The following KDR variants were observed in gnomAD, a reference collection of about 807,000 sequenced individuals.
The protein encoded by KDR is vascular endothelial growth factor receptor 2.
In KDR, 43 loss-of-function variants were observed where a neutral mutation model predicts 160.9. The ratio of observed to expected loss-of-function variants is 0.27; its 90% CI spans 0.21 to 0.34. The LOEUF (loss-of-function observed/expected upper bound fraction) is 0.34, where lower values mean the gene tolerates loss of function less well. Ranked by LOEUF, KDR falls within the 10% of genes least tolerant of loss-of-function variation. The probability of loss-of-function intolerance (pLI) is 1.00; values close to 1 mark genes in which losing one functional copy is unlikely to be tolerated. For synonymous variants in KDR, 617 were observed against 600.1 expected (o/e 1.03, Z -0.41); for missense variants, 1,469 against 1,666.4 (o/e 0.88, Z 2.06).
chr4:55,088,998 A>C, intron 25 of KDR, 25 bp from the exon 26 acceptor site: 77 of 1,485,248 alleles, frequency 5.2e-5, no homozygotes, highest in Non-Finnish European at 6.8e-5. Flanking sequence ...CACTGATTTC[A>C]TTAAATGCCT....
In KDR at chr4:55,090,766, C is replaced by T. The variant is rs180739369; in HGVS notation, c.3070-688G>A. On this transcript the variant is annotated intron_variant, in intron 22 of 29. Coordinates refer to ENST00000263923, the MANE Select transcript of KDR (RefSeq NM_002253.4). Reference sequence around the variant, plus strand: ...AAACTTCAGCTAACTTCCTACTACTCGGCAGCTTTAGCTCCACATGATATT... The same window carrying T: ...AAACTTCAGCTAACTTCCTACTACTTGGCAGCTTTAGCTCCACATGATATT... Among the ~76,000 whole-genome samples the T allele has an allele frequency of 2.7e-3, 409 of 151,876 alleles. 1 individual carries two copies. Among genetic ancestry groups the T allele is most frequent in the African/African-American group, 9.3e-3 (386 of 41,422 alleles).
chr4:55,086,756 T>G (rs1242048359), intron 27 of KDR, among the ~76,000 whole-genome samples: 2 of 152,192 alleles, frequency 1.3e-5, no homozygotes, highest in Admixed American at 1.3e-4. Flanking sequence ...CCCTGCCATG[T>G]GGCAACCTGG....
Position 55,118,703 on chromosome 4 carries a change from T to C in KDR, c.259A>G (p.Thr87Ala), listed in dbSNP as rs1238505743. Residue 87 changes from threonine to alanine, a missense_variant, in exon 3 of 30, where the codon ACA (threonine) becomes GCA (alanine). This residue lies in a region of KDR where 792 missense variants were observed against 840.9 expected (regional missense o/e 0.94). Transcript: ENST00000263923. Reference protein sequence around the residue: ...TECSDGLFCKTLTIPKVIGND... With the variant: ...TECSDGLFCKALTIPKVIGND... ...CCGATCACTTTTGGAATTGTGAGTG[T>C]CTTACAGAAGAGGCCATCGCTGCAC... 3 of 1,613,904 alleles carry C rather than the reference T, an allele frequency of 1.9e-6. No individual in the cohort carries two copies. The highest frequency in any genetic ancestry group is 2.5e-6 in the Non-Finnish European group (3 of 1,179,944).
At chr4:55,112,109 T>C (rs557905001) in intron 7 of KDR, among the ~76,000 whole-genome samples, 1 of 152,290 alleles carries the variant, frequency 6.6e-6, no homozygotes, top group Admixed American at 6.5e-5. Flanking sequence ...ATTAAGGTGA[T>C]TTTCTCAAGG....
chr4:55,116,478 T>C (rs1279991651), intron 3 of KDR, among the ~76,000 whole-genome samples: 1 of 151,058 alleles, frequency 6.6e-6, no homozygotes, highest in Non-Finnish European at 1.5e-5. Flanking sequence ...AATGTTAACA[T>C]GCTGCTGGAA....
At chr4:55,087,520 ACAAGGTCTTCCTTCCACTTC>A in intron 27 of KDR, 67 bp downstream of exon 27, 2 of 1,230,874 alleles carry the variant, frequency 1.6e-6, no homozygotes, top group South Asian at 2.6e-5. Context: ...ACAGCCTTAG[ACAAGGTCTTCCTTCCACTTC>A]CAATCCCCCT....
intron 3 of KDR, 30 bp downstream of exon 3, chr4:55,118,574 G>C: frequency 6.5e-7 from 1 of 1,547,690 alleles, no homozygotes; most frequent in South Asian, 1.1e-5. Context: ...GTAAAGAGAC[G>C]TGGGAAATGA....
At chr4:55,099,620 T>TAC (rs1720259809) in intron 15 of KDR, among the ~76,000 whole-genome samples, 1 of 152,170 alleles carries the variant, frequency 6.6e-6, no homozygotes, top group Non-Finnish European at 1.5e-5. Flanking sequence ...TAAACAAAAT[T>TAC]TTTTGACCTG....
At chr4:55,106,002 C>T (rs1720438147) in intron 11 of KDR, 62 bp from the exon 12 acceptor site, 10 of 980,520 alleles carry the variant, frequency 1.0e-5, no homozygotes, top group Admixed American at 1.7e-5. Context: ...CACAAGCACT[C>T]AGTCCAGCAG....
In KDR at chr4:55,092,720, C is replaced by G. The variant is rs201968542; in HGVS notation, c.2972-6G>C. On this transcript the variant is annotated splice_region_variant and splice_polypyrimidine_tract_variant and intron_variant, in intron 21 of 29. Transcript: ENST00000263923. ...CTTATACAGATCTTCAGGAGCTGTC[C>G]AAAGAGGCAGGAGGATGGAGATCAG... The G allele has an allele frequency of 3.1e-6, 5 of 1,591,560 alleles. No individual in the cohort carries two copies. The African/African-American group carries it at 6.7e-5, about 21-fold the overall frequency.
chr4:55,098,234 G>A lies in KDR; in HGVS notation c.2412C>T (p.Ile804=), dbSNP rs376232942. ...GGELKTGYLS[I]VMDPDELPLD... ...ATGGGAGTTCATCTGGATCCATGAC[G>A]ATGGACAAGTAGCCTGTCTTCAGTT... The change falls in exon 17 of 30, where the codon ATC becomes ATT. Residue 804 remains isoleucine, a synonymous_variant. Transcript: ENST00000263923. The A allele has an allele frequency of 4.4e-5, 71 of 1,613,716 alleles. No individual in the cohort carries two copies. Among genetic ancestry groups the A allele is most frequent in the African/African-American group, 2.7e-5 (2 of 74,902 alleles).
intron 21 of KDR, among the ~76,000 whole-genome samples, chr4:55,094,045 CAA>C (rs10716295): frequency 1.3e-3 from 184 of 140,110 alleles, no homozygotes; most frequent in African/African-American, 3.9e-3. Context: ...ACTAAAAATA[CAA>C]AAAAAAAAAA....
At chr4:55,123,420 C>T (rs1011039252) in intron 1 of KDR, among the ~76,000 whole-genome samples, 2 of 152,148 alleles carry the variant, frequency 1.3e-5, no homozygotes, top group East Asian at 1.9e-4. Flanking sequence ...TAATTTATTG[C>T]CACAGATCAC....
At position 55,106,728 on chromosome 4, in the gene KDR, C is replaced by T. The variant is rs759091771; in HGVS notation, c.1495G>A (p.Val499Ile). The T allele has an allele frequency of 3.2e-6, 5 of 1,583,964 alleles. No individual in the cohort carries two copies. The South Asian group carries it at 4.4e-5, about 14-fold the overall frequency. The stretch of plus-strand genomic sequence containing the variant: ...ATTAGAGCAAATTGATTTTTATTAA[C>T]TTCAATTTTATTTCCTCCCTGGAAG... ...EDFQGGNKIE[V>I]NKNQFALIEG... Residue 499 changes from valine (V) to isoleucine (I), a missense_variant, in exon 11 of 30, where the codon GTT becomes ATT. Val to Ile is a conservative substitution (Grantham distance 29). This residue lies in a region of KDR where 792 missense variants were observed against 840.9 expected (regional missense o/e 0.94). Transcript: ENST00000263923.
intron 26 of KDR, among the ~76,000 whole-genome samples, chr4:55,088,188 C>T (rs1012950187): frequency 6.6e-6 from 1 of 152,126 alleles, no homozygotes; most frequent in South Asian, 2.1e-4. Flanking sequence ...TAAAGAAAAG[C>T]AACAAATGGG....
chr4:55,112,124 T>G (rs1720601189), intron 7 of KDR, among the ~76,000 whole-genome samples: 1 of 152,160 alleles, frequency 6.6e-6, no homozygotes, highest in South Asian at 2.1e-4. Context: ...TCAAGGCCAG[T>G]TCAATTTAAT....
chr4:55,096,154 T>C, intron 19 of KDR, 75 bp downstream of exon 19: 1 of 811,102 alleles, frequency 1.2e-6, no homozygotes, highest in Non-Finnish European at 2.2e-6. Flanking sequence ...GCCAGAGGAG[T>C]TGACTGCTTT....
chr4:55,096,753 G>A, intron 18 of KDR: 1 of 285,766 alleles, frequency 3.5e-6, no homozygotes, highest in Non-Finnish European at 6.8e-6. Flanking sequence ...ACGTGTTAGG[G>A]GCTATACCGA....
At chr4:55,091,565 C>T (rs768205992) in intron 22 of KDR, among the ~76,000 whole-genome samples, 9 of 152,154 alleles carry the variant, frequency 5.9e-5, no homozygotes, top group Admixed American at 3.3e-4. Context: ...TATAAGGTCC[C>T]AGTTCTCCTC....
Sources: gnomAD v4.1 joint callset for allele counts (sites outside exome capture counted in the v4.1 genomes callset) on GRCh38, gnomAD v4.1.1 for gene constraint, gnomAD v4.1.1 regional missense constraint, MANE v1.5 for transcripts, NCBI Gene and HGNC (gene_info 2026-07-23, HGNC 2026-07-21) for gene names.